The following ATP6V1B2 variants were observed in gnomAD, a reference collection of about 807,000 sequenced individuals.
ATP6V1B2 encodes V-type proton ATPase subunit B, brain isoform.
A neutral mutation model predicts 66.7 loss-of-function variants in ATP6V1B2; 23 were observed. That is an observed-to-expected ratio of 0.34 (90% CI 0.25 to 0.49). The LOEUF is 0.49. Among genes scored for constraint, ATP6V1B2 ranks in the 20% least tolerant of loss-of-function variants. The pLI is 0.99. For synonymous variants in ATP6V1B2, 278 were observed against 236.7 expected (o/e 1.17, Z -1.60); for missense variants, 478 against 650.8 (o/e 0.73, Z 2.89).
At chr8:20,208,764 G>C (rs1053502885) in intron 2 of ATP6V1B2, among the ~76,000 whole-genome samples, 3 of 147,908 alleles carry the variant, frequency 2.0e-5, no homozygotes, top group African/African-American at 7.5e-5. Context: ...CTGGAGTACA[G>C]TGGCACGATC....
intron 2 of ATP6V1B2, among the ~76,000 whole-genome samples, chr8:20,209,173 A>G (rs554936787): frequency 1.3e-5 from 2 of 152,296 alleles, no homozygotes; most frequent in African/African-American, 4.8e-5. Context: ...AGGAAAAGCA[A>G]TACATTTAAT....
intron 2 of ATP6V1B2, 85 bp downstream of exon 2, chr8:20,204,624 T>G: frequency 8.0e-7 from 1 of 1,247,312 alleles, no homozygotes; most frequent in Admixed American, 2.0e-5. Context: ...ATTTTTGTTA[T>G]GATTTTTAAG....
At chr8:20,215,175 G>GTT in intron 10 of ATP6V1B2, 1 of 546,218 alleles carries the variant, frequency 1.8e-6, no homozygotes, top group Admixed American at 3.8e-5. Flanking sequence ...CATAATTTAA[G>GTT]TTTTTAACTT....
chr8:20,219,797 A>G (rs1385801521), intron 13 of ATP6V1B2, among the ~76,000 whole-genome samples: 1 of 152,178 alleles, frequency 6.6e-6, no homozygotes, highest in Admixed American at 6.5e-5. Context: ...ACTGACCTTC[A>G]GATAGTGATA....
At chr8:20,211,032 C>G (rs1585250868) in intron 5 of ATP6V1B2, 145 bp from the exon 6 acceptor site, 1 of 1,070,334 alleles carries the variant, frequency 9.3e-7, no homozygotes, top group East Asian at 3.1e-5. Context: ...TGAAAAATAA[C>G]TGATTTTTTT....
intron 1 of ATP6V1B2, among the ~76,000 whole-genome samples, chr8:20,199,902 C>T (rs377566218): frequency 6.6e-6 from 1 of 151,654 alleles, no homozygotes; most frequent in African/African-American, 2.4e-5. Flanking sequence ...TGAGCCACCA[C>T]GCCCAGCCAA....
chr8:20,211,258 G>A lies in ATP6V1B2; in HGVS notation c.545G>A (p.Ser182Asn). 1 of 1,613,424 alleles carries A rather than the reference G, an allele frequency of 6.2e-7. No individual in the cohort carries two copies. Among genetic ancestry groups the A allele is most frequent in the Non-Finnish European group, 8.5e-7 (1 of 1,179,804 alleles). ...TGISAIDGMN[S>N]IARGQKIPIF... Reference sequence around the variant, plus strand: ...ATTTCGGCCATCGATGGGATGAACAGTATTGCTAGGGGGCAGAAAATTCCT... The same window carrying A: ...ATTTCGGCCATCGATGGGATGAACAATATTGCTAGGGGGCAGAAAATTCCT... Residue 182 changes from serine (S) to asparagine (N), a missense_variant, in exon 6 of 14, where the codon AGT (serine) becomes AAT (asparagine). Transcript: ENST00000276390.
chr8:20,214,580 C>G (rs923635328), intron 9 of ATP6V1B2: 1 of 336,008 alleles, frequency 3.0e-6, no homozygotes, highest in Non-Finnish European at 5.3e-6. Context: ...TGAAAACTTA[C>G]ATTATGGCAA....
In ATP6V1B2 at chr8:20,221,291, T is replaced by G. The variant is rs75516158; in HGVS notation, c.*889T>G. 6.6e-6 allele frequency: 1 copy of G among 152,236 alleles called. No individual in the cohort carries two copies. Among genetic ancestry groups the G allele is most frequent in the African/African-American group, 2.4e-5 (1 of 41,460 alleles). The allele number at this position is 152,236 out of a possible 1,614,324, so 9.4% of individuals were successfully genotyped here. A position where few individuals can be genotyped will look rare whatever the true frequency, so the allele number is the denominator to read the frequency against. ...CAAGGGGAGGGAGCAGAAGCACTTA[T>G]GTTTACGGATATTTTAAACTCTGTT... On this transcript the variant is annotated 3_prime_UTR_variant, in exon 14 of 14. Transcript: ENST00000276390.
chr8:20,205,431 C>T (rs1333460148), intron 2 of ATP6V1B2, among the ~76,000 whole-genome samples: 4 of 151,964 alleles, frequency 2.6e-5, no homozygotes, highest in South Asian at 2.1e-4. Context: ...CTCATTGGTA[C>T]GCGCTGTGAA....
At chr8:20,199,016 G>A (rs1407758256) in intron 1 of ATP6V1B2, among the ~76,000 whole-genome samples, 1 of 152,122 alleles carries the variant, frequency 6.6e-6, no homozygotes, top group East Asian at 1.9e-4. Context: ...GACATTAGTG[G>A]TGCCTCTCAA....
intron 1 of ATP6V1B2, among the ~76,000 whole-genome samples, chr8:20,199,994 TTGTGTG>T (rs34916825): frequency 8.0e-5 from 12 of 149,416 alleles, no homozygotes; most frequent in Admixed American, 1.3e-4. Context: ...ATTATAGTTA[TTGTGTG>T]TGTGTGTGTG....
At position 20,210,652 on chromosome 8, in the gene ATP6V1B2, T is replaced by G. The variant is rs7460146; in HGVS notation, c.463+6T>G. The G allele has an allele frequency of 0.97, 1,567,178 of 1,610,888 alleles. 762,426 individuals carry two copies. Among genetic ancestry groups the G allele is most frequent in the East Asian group, 1 (44,842 of 44,848 alleles). On this transcript the variant is annotated splice_donor_region_variant and intron_variant, in intron 5 of 13. Coordinates refer to ENST00000276390, the MANE Select transcript of ATP6V1B2 (RefSeq NM_001693.4). Reference sequence around the variant, plus strand: ...AGACTTCCTTGATATCATGGGTAGGTACAGTAGATGGATTGCTGTGTTTGG... The same window carrying G: ...AGACTTCCTTGATATCATGGGTAGGGACAGTAGATGGATTGCTGTGTTTGG...
At chr8:20,210,724 G>GT (rs1462444513) in intron 5 of ATP6V1B2, 78 bp downstream of exon 5, 15 of 1,283,110 alleles carry the variant, frequency 1.2e-5, no homozygotes, top group African/African-American at 2.9e-5. Context: ...GATAGAGAGT[G>GT]TTTTTTGTGA....
At chr8:20,210,215 T>C in intron 3 of ATP6V1B2, 131 bp from the exon 4 acceptor site, 8 of 711,092 alleles carry the variant, frequency 1.1e-5, no homozygotes, top group East Asian at 3.0e-5. Flanking sequence ...CATATTTCTT[T>C]GCTCATTATA....
chr8:20,214,719 G>A (rs146210192), intron 9 of ATP6V1B2, 99 bp from the exon 10 acceptor site: 116 of 1,318,304 alleles, frequency 8.8e-5, no homozygotes, highest in Non-Finnish European at 1.1e-4. Context: ...AACATGATGG[G>A]ATTTTCAACT....
Position 20,209,465 on chromosome 8 carries a change from C to T in ATP6V1B2, c.225C>T (p.Thr75=), listed in dbSNP as rs1409027441. ...FPRYAEIVHL[T]LPDGTKRSGQ... ...GGTATGCTGAAATTGTCCATTTGAC[C>T]TTACCGGATGGCACAAAGAGAAGTG... Residue 75 remains threonine (T), a synonymous_variant, in exon 3 of 14, where the codon ACC becomes ACT. Coordinates refer to ENST00000276390, the MANE Select transcript of ATP6V1B2 (RefSeq NM_001693.4). 1 of 1,613,904 alleles carries T rather than the reference C, an allele frequency of 6.2e-7. No individual in the cohort carries two copies. The highest frequency in any genetic ancestry group is 1.1e-5 in the South Asian group (1 of 91,078).
intron 1 of ATP6V1B2, among the ~76,000 whole-genome samples, chr8:20,202,456 T>C (rs915602749): frequency 8.5e-5 from 13 of 152,372 alleles, no homozygotes; most frequent in African/African-American, 2.9e-4. Context: ...GATAGTGTTA[T>C]CAATTAACTT....
intron 1 of ATP6V1B2, among the ~76,000 whole-genome samples, chr8:20,198,585 A>C (rs536359614): frequency 9.9e-5 from 15 of 152,206 alleles, no homozygotes; most frequent in Non-Finnish European, 1.5e-4. Flanking sequence ...TGGGAAAAGC[A>C]CATGATGTTT....
Sources: allele counts gnomAD v4.1 joint callset (sites outside exome capture counted in the v4.1 genomes callset), GRCh38; gene constraint gnomAD v4.1.1; transcripts MANE v1.5; gene names NCBI Gene and HGNC (gene_info 2026-07-23, HGNC 2026-07-21).